The following CDK17 variants were observed in gnomAD, a reference collection of about 807,000 sequenced individuals.
CDK17 encodes cyclin-dependent kinase 17.
CDK17 carries 24 observed loss-of-function variants against 77.6 expected under a neutral mutation model. That is an observed-to-expected ratio of 0.31 (90% CI 0.22 to 0.44). CDK17 has a LOEUF of 0.44. CDK17 is among the 20% of genes least tolerant of loss of function. CDK17 has a pLI of 1.00. For synonymous variants in CDK17, 203 were observed against 210.4 expected (o/e 0.96, Z 0.30); for missense variants, 429 against 622.5 (o/e 0.69, Z 3.31).
chr12:96,374,848 C>T (rs1953752985), intron 1 of CDK17, among the ~76,000 whole-genome samples: 1 of 152,198 alleles, frequency 6.6e-6, no homozygotes, highest in African/African-American at 2.4e-5. Context: ...CAGAAAGGTA[C>T]ATATACTTGG....
At chr12:96,369,430 G>C (rs10860025) in intron 1 of CDK17, among the ~76,000 whole-genome samples, 58,533 of 152,012 alleles carry the variant, frequency 0.39, 11,602 homozygotes, top group East Asian at 0.57. Context: ...AGCCCATCCA[G>C]TTATTAATAA....
chr12:96,294,717 C>T (rs543616699), intron 10 of CDK17, among the ~76,000 whole-genome samples: 37 of 149,516 alleles, frequency 2.5e-4, no homozygotes, highest in African/African-American at 9.1e-4. Flanking sequence ...ACAGATGGTA[C>T]AATTTTGGTA....
At chr12:96,290,726 G>GGGCT (rs537092407) in intron 10 of CDK17, among the ~76,000 whole-genome samples, 149 of 152,266 alleles carry the variant, frequency 9.8e-4, no homozygotes, top group African/African-American at 3.4e-3. Flanking sequence ...GCAAAGGACA[G>GGGCT]GGCTGCAAAC....
intron 1 of CDK17, among the ~76,000 whole-genome samples, chr12:96,339,587 TA>T (rs761540891): frequency 2.0e-5 from 3 of 151,110 alleles, no homozygotes; most frequent in Non-Finnish European, 2.9e-5. Context: ...CTTCAGACAA[TA>T]ACATTTATTA....
At chr12:96,313,103 C>T (rs374404427) in intron 4 of CDK17, among the ~76,000 whole-genome samples, 5 of 151,972 alleles carry the variant, frequency 3.3e-5, no homozygotes, top group South Asian at 4.2e-4. Flanking sequence ...TCACAGAATG[C>T]GAACAACTAT....
chr12:96,385,850 A>T (rs1002174373), intron 1 of CDK17, among the ~76,000 whole-genome samples: 4 of 152,208 alleles, frequency 2.6e-5, no homozygotes, highest in African/African-American at 9.6e-5. Context: ...ACAAGCTAAA[A>T]GAGTCAGACA....
intron 1 of CDK17, among the ~76,000 whole-genome samples, chr12:96,381,593 AT>A (rs894351494): frequency 6.6e-6 from 1 of 151,994 alleles, no homozygotes. Flanking sequence ...ATAGATCTAC[AT>A]TTTTTTGCCT....
At chr12:96,287,289 G>A (rs2137068399) in intron 11 of CDK17, among the ~76,000 whole-genome samples, 1 of 152,234 alleles carries the variant, frequency 6.6e-6, no homozygotes, top group African/African-American at 2.4e-5. Flanking sequence ...GTGTGTAAGT[G>A]AAGGAAAAGA....
chr12:96,313,361 AC>A lies in CDK17; in HGVS notation c.376del (p.Val126PhefsTer16), dbSNP rs1555201111. On this transcript the variant is annotated frameshift_variant, in exon 4 of 17. Transcript: ENST00000261211. LOFTEE classifies it high-confidence loss of function. ...SSDEVQSPTGVCLRNRIHRRI... is the reference protein window; with the variant it reads ...SSDEVQSPTGXCLRNRIHRRI... ...TCTATGTATACGATTTCTGAGACAA[AC>A]ACCTGTAGGTGACTGGACTTCATCA... 1 of 1,597,792 alleles carries A rather than the reference AC, an allele frequency of 6.3e-7. No individual in the cohort carries two copies. The highest frequency in any genetic ancestry group is 8.5e-7 in the Non-Finnish European group (1 of 1,174,240).
chr12:96,338,299 C>T (rs1384625255), intron 1 of CDK17, among the ~76,000 whole-genome samples: 7 of 152,210 alleles, frequency 4.6e-5, no homozygotes, highest in Non-Finnish European at 1.0e-4. Context: ...GGACTTCAAG[C>T]TACATACCTT....
intron 1 of CDK17, among the ~76,000 whole-genome samples, chr12:96,381,528 T>C (rs920008908): frequency 6.6e-6 from 1 of 152,078 alleles, no homozygotes; most frequent in African/African-American, 2.4e-5. Context: ...TAGAGACTTC[T>C]AGTGAGCTGA....
At position 96,359,894 on chromosome 12, in the gene CDK17, C is replaced by A. The variant is rs1026807249; in HGVS notation, c.-29-25029G>T. On this transcript the variant is annotated intron_variant, in intron 1 of 16. Transcript: ENST00000261211. Reference sequence around the variant, plus strand: ...AATATTTACTTTTTCCTCTAAAAATCCCTATAAAGTAAACCGAGACATTCA... The same window carrying A: ...AATATTTACTTTTTCCTCTAAAAATACCTATAAAGTAAACCGAGACATTCA... Among the ~76,000 whole-genome samples, 65 of 152,050 alleles carry A rather than the reference C, an allele frequency of 4.3e-4. 2 individuals are homozygous for A. Among genetic ancestry groups the A allele is most frequent in the Non-Finnish European group, 8.8e-5 (6 of 67,994 alleles).
Position 96,286,062 on chromosome 12 carries a change from G to A in CDK17, c.1303C>T (p.Leu435=). The A allele has an allele frequency of 6.4e-7, 1 of 1,568,052 alleles. No individual in the cohort carries two copies. Among genetic ancestry groups the A allele is most frequent in the Non-Finnish European group, 8.7e-7 (1 of 1,150,490 alleles). ...AAATACCTGGGTGCGTGGTTAATTA[G>A]AGGCTGTGGTTTATATTTTGGAAAG... ...YNFPKYKPQP[L]INHAPRLDSE... The change falls in exon 13 of 17, where the codon CTA becomes TTA. Residue 435 remains leucine (L), a synonymous_variant. Coordinates refer to ENST00000261211, the MANE Select transcript of CDK17 (RefSeq NM_002595.5).
intron 1 of CDK17, among the ~76,000 whole-genome samples, chr12:96,390,312 A>C (rs1043200667): frequency 8.0e-5 from 12 of 150,546 alleles, no homozygotes; most frequent in Non-Finnish European, 1.6e-4. Context: ...TGTATTTTTT[A>C]GTAGAGACGG....
At chr12:96,397,896 A>C (rs1954197046) in intron 1 of CDK17, among the ~76,000 whole-genome samples, 1 of 152,198 alleles carries the variant, frequency 6.6e-6, no homozygotes, top group Non-Finnish European at 1.5e-5. Flanking sequence ...CATAATTCAG[A>C]CACTAGCCCT....
In CDK17 at chr12:96,283,906, C is replaced by A. The variant is rs181515950; in HGVS notation, c.1323-261G>T. 3.7e-4 allele frequency among the ~76,000 whole-genome samples: 56 copies of A among 152,272 alleles called. 1 individual carries two copies. The highest frequency in any genetic ancestry group is 1.2e-3 in the African/African-American group (51 of 41,558). On this transcript the variant is annotated intron_variant, in intron 13 of 16. Coordinates refer to ENST00000261211, the MANE Select transcript of CDK17 (RefSeq NM_002595.5). ...CAAATTAAAGAATTTTAAAAATCAC[C>A]ATGCTGTCTCAAAACAAAGAAACTT...
chr12:96,337,181 T>C (rs1169882969), intron 1 of CDK17, among the ~76,000 whole-genome samples: 3 of 152,148 alleles, frequency 2.0e-5, no homozygotes, highest in Admixed American at 1.3e-4. Context: ...AGGCCTCTGA[T>C]TTGTCCTCAC....
At chr12:96,338,795 A>G (rs906800566) in intron 1 of CDK17, among the ~76,000 whole-genome samples, 1 of 152,022 alleles carries the variant, frequency 6.6e-6, no homozygotes, top group Non-Finnish European at 1.5e-5. Context: ...AATTTTTAAA[A>G]AAGTTGTAAA....
intron 1 of CDK17, among the ~76,000 whole-genome samples, chr12:96,389,638 A>G (rs1954035618): frequency 6.6e-6 from 1 of 152,196 alleles, no homozygotes; most frequent in African/African-American, 2.4e-5. Flanking sequence ...GCTCAATACA[A>G]AAAGTGTTTT....
Sources: gnomAD v4.1 joint callset for allele counts (sites outside exome capture counted in the v4.1 genomes callset) on GRCh38, gnomAD v4.1.1 for gene constraint, MANE v1.5 for transcripts, NCBI Gene and HGNC (gene_info 2026-07-23, HGNC 2026-07-21) for gene names.